SEPTIN5: variants seen among roughly 807,000 people sequenced by gnomAD.
SEPTIN5 encodes septin 5, also known as septin-5.
In SEPTIN5, 16 loss-of-function variants were observed where a neutral mutation model predicts 51.2. That is an observed-to-expected ratio of 0.31 (90% CI 0.21 to 0.47). SEPTIN5 has a LOEUF of 0.47. Ranked by LOEUF, SEPTIN5 falls within the 20% of genes least tolerant of loss-of-function variation. The pLI is 0.99. For missense variants in SEPTIN5, 376 were observed against 500.3 expected (o/e 0.75, Z 2.37); for synonymous variants, 208 against 191.2 (o/e 1.09, Z -0.72).
intron 6 of SEPTIN5, 30 bp from the exon 7 acceptor site, chr22:19,720,519 C>T (rs768026825): frequency 1.2e-6 from 2 of 1,613,326 alleles, no homozygotes; most frequent in South Asian, 1.1e-5. Flanking sequence ...CCTGGCTGTG[C>T]CTATGCCCAC....
At chr22:19,718,417 C>A (rs1206156776) in intron 2 of SEPTIN5, 5 of 1,057,568 alleles carry the variant, frequency 4.7e-6, no homozygotes, top group African/African-American at 3.4e-5. Context: ...CTCTGCCGCC[C>A]CCCGCCGCGC....
In SEPTIN5 at chr22:19,721,747, T is replaced by C; in HGVS notation, c.814+11T>C. On this transcript the variant is annotated intron_variant, in intron 9 of 11. Coordinates refer to ENST00000455784, the MANE Select transcript of SEPTIN5 (RefSeq NM_002688.6). Reference sequence around the variant, plus strand: ...GGGGGATCGTGGAGGGTGAGTAGAGTCTTGGGGTACCAGGTCTGGTGGGGG... The same window carrying C: ...GGGGGATCGTGGAGGGTGAGTAGAGCCTTGGGGTACCAGGTCTGGTGGGGG... 1.2e-6 allele frequency: 2 copies of C among 1,603,030 alleles called. No homozygotes were observed. The highest frequency in any genetic ancestry group is 1.7e-6 in the Non-Finnish European group (2 of 1,172,940).
chr22:19,720,987 C>T, intron 8 of SEPTIN5, 118 bp downstream of exon 8: 2 of 843,240 alleles, frequency 2.4e-6, no homozygotes, highest in Middle Eastern at 2.9e-4. Context: ...CAGTTGGGTG[C>T]AAGAGTCATT....
rs1936010937 is a variant in SEPTIN5 at position 19,720,664 on chromosome 22, C to CG, written c.615+1dup. The stretch of plus-strand genomic sequence containing the variant: ...CAGTGAGATCCGGAAGCTGAAGGAG[C>CG]GGGTGAGCCTGCCGTCGCACAGGGG... On this transcript the variant is annotated frameshift_variant and splice_region_variant, in exon 7 of 12. Coordinates refer to ENST00000455784, the MANE Select transcript of SEPTIN5 (RefSeq NM_002688.6). LOFTEE classifies it high-confidence loss of function. The CG allele has an allele frequency of 6.2e-7, 1 of 1,612,766 alleles. No individual in the cohort carries two copies. The highest frequency in any genetic ancestry group is 8.5e-7 in the Non-Finnish European group (1 of 1,180,010).
rs550209881 is a variant in SEPTIN5, at chr22:19,720,335, C to G, written c.378C>G (p.Thr126=). 1.3e-5 allele frequency: 21 copies of G among 1,613,798 alleles called. No individual in the cohort carries two copies. Among genetic ancestry groups the G allele is most frequent in the Non-Finnish European group, 1.7e-5 (20 of 1,179,958 alleles). The part of the protein sequence containing the change: ...VNNTECWKPI[T]DYVDQQFEQY... Reference sequence around the variant, plus strand: ...CTGCCCACAGCTGGAAGCCCATCACCGACTATGTGGACCAGCAGTTTGAGC... The same window carrying G: ...CTGCCCACAGCTGGAAGCCCATCACGGACTATGTGGACCAGCAGTTTGAGC... Residue 126 remains threonine, a synonymous_variant, in exon 6 of 12, where the codon ACC becomes ACG. Coordinates refer to ENST00000455784, the MANE Select transcript of SEPTIN5 (RefSeq NM_002688.6).
chr22:19,722,846 GC>G lies in SEPTIN5; in HGVS notation c.*366del. 1 of 463,194 alleles carries G rather than the reference GC, an allele frequency of 2.2e-6. No individual in the cohort carries two copies. The allele number at this position is 463,194 out of a possible 1,614,324, so 28.7% of individuals were successfully genotyped here. The stretch of plus-strand genomic sequence containing the variant: ...TCCCAGGATCCTGGGTCTGTTCCCT[GC>G]CCCAGTGCTGCAGAACGGACTTGGG... On this transcript the variant is annotated 3_prime_UTR_variant, in exon 12 of 12. Transcript: ENST00000455784.
chr22:19,721,731 T>C lies in SEPTIN5; in HGVS notation c.809T>C (p.Val270Ala). ...VRGRLYPWGI[V>A]EVENQAHCDF... is the part of the protein sequence containing the mutation. Reference sequence around the variant, plus strand: ...GGCCGACTGTACCCCTGGGGGATCGTGGAGGGTGAGTAGAGTCTTGGGGTA... The same window carrying C: ...GGCCGACTGTACCCCTGGGGGATCGCGGAGGGTGAGTAGAGTCTTGGGGTA... The change falls in exon 9 of 12, where the codon GTG (valine) becomes GCG (alanine). Residue 270 changes from valine (V) to alanine (A), a missense_variant. By Grantham distance (64) the Val-to-Ala change is moderately conservative. This residue lies in a region of SEPTIN5 where 287 missense variants were observed against 417.1 expected (regional missense o/e 0.69). Coordinates refer to ENST00000455784, the MANE Select transcript of SEPTIN5 (RefSeq NM_002688.6). 6.2e-7 allele frequency: 1 copy of C among 1,608,256 alleles called. No homozygotes were observed. Among genetic ancestry groups the C allele is most frequent in the South Asian group, 1.1e-5 (1 of 90,518 alleles).
At position 19,722,260 on chromosome 22, in the gene SEPTIN5, T is replaced by C. The variant is rs376661907; in HGVS notation, c.974T>C (p.Met325Thr). The C allele has an allele frequency of 6.2e-7, 1 of 1,608,670 alleles. No homozygotes were observed. The highest frequency in any genetic ancestry group is 8.5e-7 in the Non-Finnish European group (1 of 1,178,154). ...AGCAAACTGACCCAGGACAGCCGCATGGAGAGCCCCATCCCGATCCTGCCG... is the reference window on the plus strand; with the variant it reads ...AGCAAACTGACCCAGGACAGCCGCACGGAGAGCCCCATCCCGATCCTGCCG... ...MTSKLTQDSR[M>T]ESPIPILPLP... Residue 325 changes from methionine (M) to threonine (T), a missense_variant, in exon 11 of 12, where the codon ATG (methionine) becomes ACG (threonine). Physicochemically the swap from Met to Thr is moderately conservative, Grantham distance 81. This residue lies in a region of SEPTIN5 where 89 missense variants were observed against 83.3 expected (regional missense o/e 1.07). Coordinates refer to ENST00000455784, the MANE Select transcript of SEPTIN5 (RefSeq NM_002688.6).
Position 19,722,734 on chromosome 22 carries a change from C to A in SEPTIN5, c.*250C>A, listed in dbSNP as rs543003729. On this transcript the variant is annotated 3_prime_UTR_variant, in exon 12 of 12. Coordinates refer to ENST00000455784, the MANE Select transcript of SEPTIN5 (RefSeq NM_002688.6). ...GGCGGGACTTCAGAGATCCGCCTCCCTTGCCCTTCCCCCGCCCCCGGACGG... is the reference window on the plus strand; with the variant it reads ...GGCGGGACTTCAGAGATCCGCCTCCATTGCCCTTCCCCCGCCCCCGGACGG... 53 of 565,708 alleles carry A rather than the reference C, an allele frequency of 9.4e-5. No individual in the cohort carries two copies. The East Asian group carries it at 1.5e-3, about 16-fold the overall frequency. The allele number at this position is 565,708 out of a possible 1,614,324, so 35.0% of individuals were successfully genotyped here.
In SEPTIN5 at chr22:19,721,969, A is replaced by G. The variant is rs1459994749; in HGVS notation, c.950+12A>G. The G allele has an allele frequency of 1.9e-6, 3 of 1,598,590 alleles. No individual in the cohort carries two copies. Among genetic ancestry groups the G allele is most frequent in the African/African-American group, 2.7e-5 (2 of 74,712 alleles). ...CAGCAGATGACCAGGTGCGCGCCCC[A>G]GCCGCGAGCCAGACCTCGCCCCTCT... On this transcript the variant is annotated intron_variant, in intron 10 of 11. Transcript: ENST00000455784.
Position 19,722,354 on chromosome 22 carries a change from G to A in SEPTIN5, c.1053+15G>A. On this transcript the variant is annotated intron_variant, in intron 11 of 11. Coordinates refer to ENST00000455784, the MANE Select transcript of SEPTIN5 (RefSeq NM_002688.6). The stretch of plus-strand genomic sequence containing the variant: ...AGGATGAGGAAGTATGTGGGGCGGC[G>A]GGGGCGGCGGAGGCGGGCGTCAGGG... 3 of 1,602,822 alleles carry A rather than the reference G, an allele frequency of 1.9e-6. No individual in the cohort carries two copies. The East Asian group carries it at 6.8e-5, about 36-fold the overall frequency.
In SEPTIN5 at chr22:19,720,826, C is replaced by T. The variant is rs778993439; in HGVS notation, c.674C>T (p.Ser225Leu). Residue 225 changes from serine (S) to leucine (L), a missense_variant, in exon 8 of 12, where the codon TCG becomes TTG. Around this residue, in one of 2 missense-constraint regions of SEPTIN5, gnomAD observed 287 missense variants for 417.1 expected, o/e 0.69. Coordinates refer to ENST00000455784, the MANE Select transcript of SEPTIN5 (RefSeq NM_002688.6). ...IHVYQFPECD[S>L]DEDEDFKQQD... The stretch of plus-strand genomic sequence containing the variant: ...GTATACCAGTTCCCTGAGTGTGACT[C>T]GGACGAGGATGAGGACTTCAAGCAG... The T allele has an allele frequency of 8.7e-6, 14 of 1,613,616 alleles. 1 individual carries two copies. Among genetic ancestry groups the T allele is most frequent in the South Asian group, 6.6e-5 (6 of 91,076 alleles).
At chr22:19,721,601 C>G (rs367943120) in intron 8 of SEPTIN5, 39 bp from the exon 9 acceptor site, 2 of 1,602,100 alleles carry the variant, frequency 1.2e-6, no homozygotes, top group Non-Finnish European at 1.7e-6. Context: ...CGTGCAATTA[C>G]GCTCACCGGG....
chr22:19,714,645 CTGCCCGCG>C lies in SEPTIN5; in HGVS notation c.43+23_43+30del, dbSNP rs558708440. On this transcript the variant is annotated intron_variant, in intron 1 of 11. Transcript: ENST00000455784. The surrounding 1 kb of genome is among the most constrained non-coding windows in gnomAD (Gnocchi z 5.2). ...TGGCGACCCCAGGTGAGCCCAGCGC[CTGCCCGCG>C]TGCCCGCGCGCGCCTTTGTCCCCGC... 1.3e-6 allele frequency: 2 copies of C among 1,510,188 alleles called. No homozygotes were observed. The highest frequency in any genetic ancestry group is 8.8e-7 in the Non-Finnish European group (1 of 1,134,526). The allele number at this position is 1,510,188 out of a possible 1,614,324, so 93.5% of individuals were successfully genotyped here.
intron 3 of SEPTIN5, 21 bp downstream of exon 3, chr22:19,719,719 G>T (rs376993402): frequency 1.2e-6 from 2 of 1,611,894 alleles, no homozygotes; most frequent in African/African-American, 1.3e-5. Context: ...CAGGCTCCTC[G>T]GGGGAGTGGC....
At chr22:19,718,904 G>A (rs1935964034) in intron 2 of SEPTIN5, 1 of 1,204,104 alleles carries the variant, frequency 8.3e-7, no homozygotes, top group Non-Finnish European at 1.0e-6. Context: ...CGCGCGCCAC[G>A]GCCCGCCAGC....
intron 2 of SEPTIN5, among the ~76,000 whole-genome samples, chr22:19,715,412 C>T (rs1978878472): frequency 6.6e-6 from 1 of 152,248 alleles, no homozygotes; most frequent in Admixed American, 6.5e-5. Context: ...TGGCCCCACC[C>T]TCCAGGAAAG....
Position 19,714,719 on chromosome 22 carries a change from G to T in SEPTIN5, c.44-62G>T. ...CACCGTGTCTCTCCGTCTCTCCCCC[G>T]CCCGCCGGCCCGGACCCGCTCGGAA... is the stretch of plus-strand genomic sequence containing the variant. On this transcript the variant is annotated intron_variant, in intron 1 of 11. Transcript: ENST00000455784. This position sits in a 1 kb window ranked among gnomAD's most constrained non-coding sequence, Gnocchi z 5.2. 1 of 1,333,644 alleles carries T rather than the reference G, an allele frequency of 7.5e-7. No individual in the cohort carries two copies. 82.6% of individuals were successfully genotyped at this position (1,333,644 alleles called of 1,614,324 possible).
Position 19,722,542 on chromosome 22 carries a change from A to T in SEPTIN5, c.*58A>T. 6.5e-7 allele frequency: 1 copy of T among 1,540,086 alleles called. No individual in the cohort carries two copies. Among genetic ancestry groups the T allele is most frequent in the South Asian group, 1.2e-5 (1 of 84,298 alleles). Reference sequence around the variant, plus strand: ...ACGCCCTCGCACCCCTGGACACCAGACCGGACTGTTCCCGACCCGGAGACG... The same window carrying T: ...ACGCCCTCGCACCCCTGGACACCAGTCCGGACTGTTCCCGACCCGGAGACG... On this transcript the variant is annotated 3_prime_UTR_variant, in exon 12 of 12. Coordinates refer to ENST00000455784, the MANE Select transcript of SEPTIN5 (RefSeq NM_002688.6).
Sources: allele counts gnomAD v4.1 joint callset (sites outside exome capture counted in the v4.1 genomes callset), GRCh38; gene constraint gnomAD v4.1.1; regional missense constraint gnomAD v4.1.1; non-coding constraint Gnocchi (gnomAD v3.1); transcripts MANE v1.5; gene names NCBI Gene and HGNC (gene_info 2026-07-23, HGNC 2026-07-21).